Variants in CARS1 observed in about 807,000 individuals in gnomAD.
The protein encoded by CARS1 is cysteinyl-tRNA synthetase 1.
A neutral mutation model predicts 106.2 loss-of-function variants in CARS1; 48 were observed. The ratio of observed to expected loss-of-function variants is 0.45; its 90% CI spans 0.36 to 0.57. The LOEUF is 0.57. Ranked by LOEUF, CARS1 falls within the 20% of genes least tolerant of loss-of-function variation. The pLI is 0.00. For missense variants in CARS1, 968 were observed against 1,057.2 expected (o/e 0.92, Z 1.17); for synonymous variants, 409 against 403.4 (o/e 1.01, Z -0.17).
chr11:3,055,055 G>A (rs406598), intron 1 of CARS1: 263,708 of 673,380 alleles, frequency 0.39, 56,769 homozygotes, highest in East Asian at 0.67. Context: ...CACCCAGTGA[G>A]ATCAGGAAAG....
chr11:3,054,735 G>C (rs1217346948), intron 1 of CARS1: 5 of 616,942 alleles, frequency 8.1e-6, no homozygotes, highest in Non-Finnish European at 1.4e-5. Context: ...CCTCAAAGGG[G>C]TTCCCCCAAG....
In CARS1 at chr11:3,045,689, C is replaced by T. The variant is rs1489637509; in HGVS notation, c.274+2064G>A. On this transcript the variant is annotated intron_variant, in intron 2 of 22. Transcript: ENST00000380525. The surrounding 1 kb of genome is among the most constrained non-coding windows in gnomAD (Gnocchi z 5.6). The stretch of plus-strand genomic sequence containing the variant: ...GCACATCTGATGCTGCTGGGATGTC[C>T]AACAGAGGTGGAAGGGCGAGCAGGA... 6.6e-6 allele frequency among the ~76,000 whole-genome samples: 1 copy of T among 152,168 alleles called. No homozygotes were observed. The highest frequency in any genetic ancestry group is 1.5e-5 in the Non-Finnish European group (1 of 68,026).
At position 3,041,282 on chromosome 11, in the gene CARS1, T is replaced by C. The variant is rs1854412984; in HGVS notation, c.367-298A>G. 2.4e-6 allele frequency: 1 copy of C among 409,122 alleles called. No individual in the cohort carries two copies. The highest frequency in any genetic ancestry group is 4.5e-6 in the Non-Finnish European group (1 of 223,200). The allele number at this position is 409,122 out of a possible 1,614,324, so 25.3% of individuals were successfully genotyped here. On this transcript the variant is annotated intron_variant, in intron 3 of 22. Transcript: ENST00000380525. The surrounding 1 kb of genome is among the most constrained non-coding windows in gnomAD (Gnocchi z 4.9). ...TTTTATTGATTGTTGAAATGCTGCT[T>C]ATTTAACAATAACACAGCTAATATT...
At chr11:3,025,555 G>C (rs1352801897) in intron 10 of CARS1, among the ~76,000 whole-genome samples, 2 of 152,232 alleles carry the variant, frequency 1.3e-5, no homozygotes, top group Non-Finnish European at 2.9e-5. Context: ...CTTTAGAATA[G>C]AGCCTAAAAT....
chr11:3,029,492 G>T lies in CARS1; in HGVS notation c.802-49C>A. ...CAGCAGCGGGCCACACACTTCACAT[G>T]AGAACATCTCGTGCAGCTGGTGTGA... On this transcript the variant is annotated intron_variant, in intron 7 of 22. Coordinates refer to ENST00000380525, the MANE Select transcript of CARS1 (RefSeq NM_001014437.3). The surrounding 1 kb of genome is among the most constrained non-coding windows in gnomAD (Gnocchi z 5.9). 6.2e-7 allele frequency: 1 copy of T among 1,600,234 alleles called. No individual in the cohort carries two copies. Among genetic ancestry groups the T allele is most frequent in the South Asian group, 1.1e-5 (1 of 90,628 alleles).
At chr11:3,018,058 GA>G (rs1451506208) in intron 14 of CARS1, 104 bp from the exon 15 acceptor site, 2 of 721,708 alleles carry the variant, frequency 2.8e-6, no homozygotes, top group Non-Finnish European at 4.7e-6. Context: ...GTAAAAATCT[GA>G]AAGACCAGAA....
In CARS1 at chr11:3,008,143, GC is replaced by G. The variant is rs3214100; in HGVS notation, c.2069-1185del. 0.17 allele frequency: 26,545 copies of G among 152,166 alleles called. 2,844 individuals carry two copies. Among genetic ancestry groups the G allele is most frequent in the South Asian group, 0.31 (1,508 of 4,830 alleles). 9.4% of individuals were successfully genotyped at this position (152,166 alleles called of 1,614,324 possible). On this transcript the variant is annotated intron_variant, in intron 18 of 22. Coordinates refer to ENST00000380525, the MANE Select transcript of CARS1 (RefSeq NM_001014437.3). This position sits in a 1 kb window ranked among gnomAD's most constrained non-coding sequence, Gnocchi z 5.1. ...ACTGTGCTAGGCGGGCAGGTGCCCTGCCCCCCAGCCTGCTGGGACCCCCACC... is the reference window on the plus strand; with the variant it reads ...ACTGTGCTAGGCGGGCAGGTGCCCTGCCCCCAGCCTGCTGGGACCCCCACC...
rs80041195 is a variant in CARS1 at position 3,018,636 on chromosome 11, G to A, written c.1509C>T (p.Ala503=). Residue 503 remains alanine, a synonymous_variant, in exon 13 of 23, where the codon GCC becomes GCT. Coordinates refer to ENST00000380525, the MANE Select transcript of CARS1 (RefSeq NM_001014437.3). ...AGTGTATACCTGAGTGCTTTTTCAA[G>A]GCATCTTTAATGGTGATGAAGTTTT... ...SLKNFITIKD[A]LKKHSARQLR... is the part of the protein sequence containing the mutation. 4,162 of 1,614,232 alleles carry A rather than the reference G, an allele frequency of 2.6e-3. 8 individuals carry two copies. Among genetic ancestry groups the A allele is most frequent in the Middle Eastern group, 4.6e-3 (28 of 6,062 alleles).
At chr11:3,054,579 A>G (rs1856008922) in intron 1 of CARS1, among the ~76,000 whole-genome samples, 1 of 152,228 alleles carries the variant, frequency 6.6e-6, no homozygotes, top group Admixed American at 6.5e-5. Context: ...CAAAGGCAGC[A>G]CAGCACAGCA....
chr11:3,016,313 T>C (rs912703812), intron 16 of CARS1, among the ~76,000 whole-genome samples: 10 of 151,508 alleles, frequency 6.6e-5, no homozygotes, highest in Non-Finnish European at 1.5e-5. Flanking sequence ...CTCTGCCTCC[T>C]GGGTTCATGC....
At chr11:3,027,827 CGTAA>C (rs1382696199) in intron 9 of CARS1, 2 of 454,530 alleles carry the variant, frequency 4.4e-6, no homozygotes, top group African/African-American at 4.0e-5. Flanking sequence ...CTAGCGGTAG[CGTAA>C]GTGTCAAGGA....
At chr11:3,006,276 T>A (rs533349368) in intron 19 of CARS1, among the ~76,000 whole-genome samples, 7 of 152,224 alleles carry the variant, frequency 4.6e-5, no homozygotes, top group South Asian at 4.1e-4. Flanking sequence ...TGAAACCCCG[T>A]CTCTACTAAA....
Position 3,034,596 on chromosome 11 carries a change from C to T in CARS1, c.801+3454G>A, listed in dbSNP as rs1016544084. Among the ~76,000 whole-genome samples the T allele has an allele frequency of 2.0e-5, 3 of 152,134 alleles. No individual in the cohort carries two copies. Among genetic ancestry groups the T allele is most frequent in the Non-Finnish European group, 4.4e-5 (3 of 68,022 alleles). ...CCAGGCTGCAGTGCAACAGCACGAT[C>T]TCGGCTCACTGCAACCTCTGACTCC... is the stretch of plus-strand genomic sequence containing the variant. On this transcript the variant is annotated intron_variant, in intron 7 of 22. Coordinates refer to ENST00000380525, the MANE Select transcript of CARS1 (RefSeq NM_001014437.3). The surrounding 1 kb of genome is among the most constrained non-coding windows in gnomAD (Gnocchi z 6.3).
In CARS1 at chr11:3,048,366, A is replaced by G. The variant is rs1855325650; in HGVS notation, c.26-365T>C. The stretch of plus-strand genomic sequence containing the variant: ...TTAATTTATGTTTTCTATCAGGGAA[A>G]GCAGGAACACAGTTCCACACCATCA... On this transcript the variant is annotated intron_variant, in intron 1 of 22. Transcript: ENST00000380525. This position sits in a 1 kb window ranked among gnomAD's most constrained non-coding sequence, Gnocchi z 5.1. 2 of 194,822 alleles carry G rather than the reference A, an allele frequency of 1.0e-5. No homozygotes were observed. Among genetic ancestry groups the G allele is most frequent in the South Asian group, 2.0e-4 (2 of 10,162 alleles). 12.1% of individuals were successfully genotyped at this position (194,822 alleles called of 1,614,324 possible). A position where few individuals can be genotyped will look rare whatever the true frequency, so the allele number is the denominator to read the frequency against.
In CARS1 at chr11:3,039,181, G is replaced by C; in HGVS notation, c.651+13C>G. On this transcript the variant is annotated intron_variant, in intron 6 of 22. Coordinates refer to ENST00000380525, the MANE Select transcript of CARS1 (RefSeq NM_001014437.3). The surrounding 1 kb of genome is among the most constrained non-coding windows in gnomAD (Gnocchi z 5.6). ...AAGGGCTCGGTTTCTAGAGCAGACA[G>C]CAAGAGGCCCACCTTCAGGGCGGCC... 1 of 1,572,408 alleles carries C rather than the reference G, an allele frequency of 6.4e-7. No homozygotes were observed. Among genetic ancestry groups the C allele is most frequent in the East Asian group, 2.2e-5 (1 of 44,594 alleles).
Position 3,003,146 on chromosome 11 carries a change from A to G in CARS1, c.2218-546T>C, listed in dbSNP as rs565136507. On this transcript the variant is annotated intron_variant, in intron 20 of 22. Transcript: ENST00000380525. The surrounding 1 kb of genome is among the most constrained non-coding windows in gnomAD (Gnocchi z 4.8). ...GCGAGGACAGTCTGATGCTGCAGGG[A>G]GAGCTTATTAGTGGAGCCAGCAGGC... 6.6e-6 allele frequency among the ~76,000 whole-genome samples: 1 copy of G among 152,280 alleles called. No homozygotes were observed. Among genetic ancestry groups the G allele is most frequent in the African/African-American group, 2.4e-5 (1 of 41,558 alleles).
chr11:3,007,256 G>T, intron 18 of CARS1: 1 of 444,112 alleles, frequency 2.3e-6, no homozygotes, highest in Non-Finnish European at 4.0e-6. Flanking sequence ...CTGGCCGCCG[G>T]AAGCAGTTCT....
At position 3,041,267 on chromosome 11, in the gene CARS1, T is replaced by A. The variant is rs139387431; in HGVS notation, c.367-283A>T. On this transcript the variant is annotated intron_variant, in intron 3 of 22. Coordinates refer to ENST00000380525, the MANE Select transcript of CARS1 (RefSeq NM_001014437.3). The surrounding 1 kb of genome is among the most constrained non-coding windows in gnomAD (Gnocchi z 4.9). ...AAAGGGAATCAATGATTTTATTGAT[T>A]GTTGAAATGCTGCTTATTTAACAAT... The A allele has an allele frequency of 5.6e-4, 255 of 453,680 alleles. No individual in the cohort carries two copies. The highest frequency in any genetic ancestry group is 4.3e-3 in the African/African-American group (218 of 50,292). The allele number at this position is 453,680 out of a possible 1,614,324, so 28.1% of individuals were successfully genotyped here.
At chr11:3,012,521 C>T (rs2134119220) in intron 17 of CARS1, among the ~76,000 whole-genome samples, 1 of 152,354 alleles carries the variant, frequency 6.6e-6, no homozygotes, top group South Asian at 2.1e-4. Context: ...CTTTCTACTG[C>T]AGCAGGTGGG....
Sources: gnomAD v4.1 joint callset for allele counts (sites outside exome capture counted in the v4.1 genomes callset) on GRCh38, gnomAD v4.1.1 for gene constraint, Gnocchi (gnomAD v3.1) non-coding constraint, MANE v1.5 for transcripts, NCBI Gene and HGNC (gene_info 2026-07-23, HGNC 2026-07-21) for gene names.